The following TMPRSS11D variants were observed in gnomAD, a reference collection of about 807,000 sequenced individuals.
The protein encoded by TMPRSS11D is transmembrane serine protease 11D.
TMPRSS11D carries 32 observed loss-of-function variants against 44.4 expected under a neutral mutation model. The ratio of observed to expected loss-of-function variants is 0.72; its 90% CI spans 0.54 to 0.97. TMPRSS11D has a LOEUF of 0.97. TMPRSS11D is among the 50% of genes least tolerant of loss of function. TMPRSS11D has a pLI of 0.00. For missense variants in TMPRSS11D, 446 were observed against 502.6 expected (o/e 0.89, Z 1.08); for synonymous variants, 179 against 177.9 (o/e 1.01, Z -0.05).
chr4:67,840,897 T>C (rs1302580676), intron 4 of TMPRSS11D, among the ~76,000 whole-genome samples: 1 of 152,060 alleles, frequency 6.6e-6, no homozygotes, highest in African/African-American at 2.4e-5. Context: ...AACATACTCA[T>C]TGAAATTGAA....
chr4:67,854,251 C>G, intron 2 of TMPRSS11D, 65 bp from the exon 3 acceptor site: 1 of 857,202 alleles, frequency 1.2e-6, no homozygotes, highest in Non-Finnish European at 1.8e-6. Flanking sequence ...TTAATTTATT[C>G]AGGATTATGG....
intron 1 of TMPRSS11D, among the ~76,000 whole-genome samples, chr4:67,862,912 T>C (rs6810915): frequency 0.085 from 12,670 of 148,658 alleles, 1,770 homozygotes; most frequent in African/African-American, 0.29. Context: ...TGTTGTGGGG[T>C]GGGGGAGAGG....
intron 4 of TMPRSS11D, among the ~76,000 whole-genome samples, chr4:67,841,402 G>A (rs1459074061): frequency 1.3e-5 from 2 of 152,164 alleles, no homozygotes; most frequent in African/African-American, 4.8e-5. Context: ...TGCAAACCAA[G>A]GGATAGTCCT....
rs1196222272 is a variant in TMPRSS11D at position 67,868,536 on chromosome 4, C to A, written c.9-8858G>T. 3.9e-5 allele frequency among the ~76,000 whole-genome samples: 6 copies of A among 152,092 alleles called. No homozygotes were observed. In the East Asian group the frequency reaches 1.2e-3, roughly 29 times the overall value. ...AGCTATGCCTTGAAAGACGGGTAGG[C>A]CCTCTGGGTAAATGAAGAAACGGGA... On this transcript the variant is annotated intron_variant, in intron 1 of 9. Transcript: ENST00000283916.
rs1717614943 is a variant in TMPRSS11D, at chr4:67,820,928, C to T, written c.*1409G>A. The stretch of plus-strand genomic sequence containing the variant: ...AAAGTATAGCAAAGATTTGTTTGTA[C>T]AGTTCGCCAAGAGTTGGTTGCATTT... On this transcript the variant is annotated 3_prime_UTR_variant, in exon 10 of 10. Coordinates refer to ENST00000283916, the MANE Select transcript of TMPRSS11D (RefSeq NM_004262.3). 1 of 152,152 alleles carries T rather than the reference C, an allele frequency of 6.6e-6. No homozygotes were observed. The highest frequency in any genetic ancestry group is 2.4e-5 in the African/African-American group (1 of 41,440). 9.4% of individuals were successfully genotyped at this position (152,152 alleles called of 1,614,324 possible).
chr4:67,839,003 C>T (rs1299914009), intron 4 of TMPRSS11D: 1 of 151,998 alleles, frequency 6.6e-6, no homozygotes, highest in South Asian at 2.1e-4. Flanking sequence ...CTATTTTCTT[C>T]CAGGAAAGTT....
chr4:67,825,165 A>G (rs932525096), intron 9 of TMPRSS11D, among the ~76,000 whole-genome samples: 17 of 152,070 alleles, frequency 1.1e-4, no homozygotes, highest in Admixed American at 7.2e-4. Flanking sequence ...TAAATTTTCT[A>G]TCTTCAAGGA....
At chr4:67,825,969 A>T in intron 8 of TMPRSS11D, 95 bp from the exon 9 acceptor site, 1 of 1,321,570 alleles carries the variant, frequency 7.6e-7, no homozygotes, top group Non-Finnish European at 1.0e-6. Flanking sequence ...TACTCCAAAC[A>T]TTATTTCATA....
At chr4:67,849,828 T>G (rs1718449629) in intron 3 of TMPRSS11D, among the ~76,000 whole-genome samples, 1 of 152,190 alleles carries the variant, frequency 6.6e-6, no homozygotes, top group African/African-American at 2.4e-5. Context: ...CCTTAGATTT[T>G]GAGTCAAGAG....
At chr4:67,841,559 G>A (rs751229784) in intron 4 of TMPRSS11D, among the ~76,000 whole-genome samples, 1 of 152,134 alleles carries the variant, frequency 6.6e-6, no homozygotes, top group Non-Finnish European at 1.5e-5. Context: ...TTGAAGCCAG[G>A]TTGCAGAGGA....
chr4:67,852,506 C>A (rs1315623492), intron 3 of TMPRSS11D, among the ~76,000 whole-genome samples: 2 of 152,126 alleles, frequency 1.3e-5, no homozygotes, highest in African/African-American at 4.8e-5. Context: ...AGCTAATGTT[C>A]AGTGAGAACC....
intron 1 of TMPRSS11D, among the ~76,000 whole-genome samples, chr4:67,875,367 T>A (rs1199875564): frequency 3.3e-5 from 5 of 152,164 alleles, no homozygotes; most frequent in African/African-American, 7.2e-5. Context: ...GAATGAAGAA[T>A]CAGCAAGTTT....
intron 7 of TMPRSS11D, among the ~76,000 whole-genome samples, chr4:67,828,570 A>G (rs893770109): frequency 5.3e-5 from 8 of 152,148 alleles, no homozygotes; most frequent in Non-Finnish European, 1.2e-4. Context: ...ATTCTGACTG[A>G]AAAACTAAAG....
intron 1 of TMPRSS11D, among the ~76,000 whole-genome samples, chr4:67,877,656 A>G (rs1719223864): frequency 6.6e-6 from 1 of 152,122 alleles, no homozygotes; most frequent in Admixed American, 6.5e-5. Context: ...TTTCTCAGTA[A>G]ATGATGCCAA....
At chr4:67,853,740 G>A (rs1718563368) in intron 3 of TMPRSS11D, among the ~76,000 whole-genome samples, 1 of 152,148 alleles carries the variant, frequency 6.6e-6, no homozygotes, top group Non-Finnish European at 1.5e-5. Flanking sequence ...AAGGAAGAGG[G>A]AAGAAGGTAA....
rs1719386705 is a variant in TMPRSS11D, at chr4:67,883,921, C to A, written c.8+5G>T. ...TAAAGCTACAAAGACAAAAACAGGA[C>A]TTACCTATACATTTTAATCCTTAAT... On this transcript the variant is annotated splice_donor_5th_base_variant and intron_variant, in intron 1 of 9. Coordinates refer to ENST00000283916, the MANE Select transcript of TMPRSS11D (RefSeq NM_004262.3). 6.2e-7 allele frequency: 1 copy of A among 1,600,556 alleles called. No individual in the cohort carries two copies. Among genetic ancestry groups the A allele is most frequent in the South Asian group, 1.1e-5 (1 of 88,916 alleles).
chr4:67,869,829 G>A (rs1184122638), intron 1 of TMPRSS11D, among the ~76,000 whole-genome samples: 3 of 152,144 alleles, frequency 2.0e-5, no homozygotes, highest in Non-Finnish European at 2.9e-5. Flanking sequence ...AGGTACTTAC[G>A]ACATGGTATA....
chr4:67,831,482 G>A (rs1560537622), intron 7 of TMPRSS11D, among the ~76,000 whole-genome samples: 2 of 152,064 alleles, frequency 1.3e-5, no homozygotes, highest in Non-Finnish European at 2.9e-5. Context: ...AATCGTTGTC[G>A]ATATTTATAA....
intron 1 of TMPRSS11D, among the ~76,000 whole-genome samples, chr4:67,863,280 G>T: frequency 7.1e-6 from 1 of 140,912 alleles, no homozygotes. Context: ...TGGCAATTAT[G>T]TCTCAATTTC....
Sources: gnomAD v4.1 joint callset for allele counts (sites outside exome capture counted in the v4.1 genomes callset) on GRCh38, gnomAD v4.1.1 for gene constraint, MANE v1.5 for transcripts, NCBI Gene and HGNC (gene_info 2026-07-23, HGNC 2026-07-21) for gene names.